Variants in LRP1B observed in about 807,000 individuals in gnomAD.
LRP1B encodes low-density lipoprotein receptor-related protein 1B.
Under a neutral mutation model 556.6 loss-of-function variants are expected in LRP1B, and 217 were observed. The ratio of observed to expected loss-of-function variants is 0.39; its 90% confidence interval spans 0.35 to 0.44. The LOEUF is 0.44. Ranked by LOEUF, LRP1B falls within the 20% of genes least tolerant of loss-of-function variation. The pLI is 1.00. For missense variants in LRP1B, 5,053 were observed against 5,620.8 expected, an observed-to-expected ratio of 0.90 and a Z score of 3.23; for synonymous variants, 2,047 against 1,865.8, an observed-to-expected ratio of 1.10 and a Z score of -2.50.
chr2:142,120,252 CA>C (rs1707413265), intron 1 of LRP1B, among the ~76,000 whole-genome samples: 1 of 152,272 alleles, frequency 6.6e-6, no homozygotes, highest in South Asian at 2.1e-4. Context: ...GCTGGGACTA[CA>C]GGCACATGCA....
chr2:140,512,832 C>T (rs1340109560), intron 51 of LRP1B, among the ~76,000 whole-genome samples: 2 of 152,036 alleles, frequency 1.3e-5, no homozygotes, highest in Non-Finnish European at 2.9e-5. Context: ...ACAAGTGAGA[C>T]GAATTATTTA....
chr2:141,185,937 G>C (rs543332847), intron 7 of LRP1B, among the ~76,000 whole-genome samples: 1 of 151,710 alleles, frequency 6.6e-6, no homozygotes, highest in East Asian at 2.0e-4. Context: ...AAATTAGCCA[G>C]GCTTGGTGGT....
chr2:140,884,495 T>C (rs1004273459), intron 24 of LRP1B, among the ~76,000 whole-genome samples: 3 of 152,140 alleles, frequency 2.0e-5, no homozygotes, highest in Non-Finnish European at 4.4e-5. Context: ...TTTTTCTCTT[T>C]TTAGAAGGAT....
intron 27 of LRP1B, among the ~76,000 whole-genome samples, chr2:140,856,021 T>G (rs1692607533): frequency 6.6e-6 from 1 of 152,214 alleles, no homozygotes. Flanking sequence ...ATTCATTTCC[T>G]CACCTTTGAA....
chr2:140,605,860 A>G (rs184486306), intron 41 of LRP1B, among the ~76,000 whole-genome samples: 3 of 152,260 alleles, frequency 2.0e-5, no homozygotes. Flanking sequence ...CCTCAACTTG[A>G]TAAAAGGAAT....
intron 3 of LRP1B, among the ~76,000 whole-genome samples, chr2:141,292,511 G>A (rs547839346): frequency 1.3e-5 from 2 of 152,214 alleles, no homozygotes; most frequent in South Asian, 4.1e-4. Flanking sequence ...GGAAAAGAAA[G>A]GAACTTTACA....
At chr2:141,094,807 G>T (rs541317386) in intron 7 of LRP1B, among the ~76,000 whole-genome samples, 1 of 152,150 alleles carries the variant, frequency 6.6e-6, no homozygotes, top group African/African-American at 2.4e-5. Flanking sequence ...AGAAGCATTC[G>T]CTAAGGATAA....
intron 3 of LRP1B, among the ~76,000 whole-genome samples, chr2:141,470,124 T>C (rs1230228158): frequency 1.3e-5 from 2 of 152,212 alleles, no homozygotes; most frequent in African/African-American, 4.8e-5. Context: ...GAATACATTA[T>C]TCAAAATTTA....
chr2:141,168,044 G>T (rs1260921793), intron 7 of LRP1B, among the ~76,000 whole-genome samples: 2 of 152,006 alleles, frequency 1.3e-5, no homozygotes, highest in South Asian at 4.1e-4. Flanking sequence ...ATAGTTTTCA[G>T]ACAACAAACA....
chr2:141,311,946 C>T (rs1686827218), intron 3 of LRP1B, among the ~76,000 whole-genome samples: 2 of 152,018 alleles, frequency 1.3e-5, no homozygotes, highest in Admixed American at 1.3e-4. Flanking sequence ...TGGGCAGAGG[C>T]TGGAAAAGTT....
intron 35 of LRP1B, among the ~76,000 whole-genome samples, chr2:140,724,615 A>G (rs1454595729): frequency 6.6e-6 from 1 of 152,186 alleles, no homozygotes; most frequent in Non-Finnish European, 1.5e-5. Context: ...TAGCTATTAT[A>G]TGTGACTATT....
intron 84 of LRP1B, among the ~76,000 whole-genome samples, chr2:140,296,563 G>A (rs1330560472): frequency 3.9e-5 from 6 of 152,076 alleles, no homozygotes; most frequent in South Asian, 2.1e-4. Context: ...AAAAAAACAC[G>A]CAATTGGGTG....
chr2:141,682,431 ACAGT>A (rs1451435932), intron 2 of LRP1B, among the ~76,000 whole-genome samples: 13 of 152,086 alleles, frequency 8.5e-5, no homozygotes, highest in Non-Finnish European at 1.3e-4. Context: ...AATTGGCCTG[ACAGT>A]CAGGAATTAA....
intron 2 of LRP1B, among the ~76,000 whole-genome samples, chr2:141,679,491 C>T (rs1356877802): frequency 6.6e-6 from 1 of 151,980 alleles, no homozygotes; most frequent in Non-Finnish European, 1.5e-5. Flanking sequence ...AAAACATATC[C>T]ATGTTCTGAT....
intron 83 of LRP1B, among the ~76,000 whole-genome samples, chr2:140,305,731 G>A (rs1069713): frequency 0.098 from 14,840 of 151,862 alleles, 1,314 homozygotes; most frequent in African/African-American, 0.23. Flanking sequence ...GTCTTGTGCC[G>A]GTTTTCAAAG....
intron 53 of LRP1B, among the ~76,000 whole-genome samples, chr2:140,504,777 C>T (rs1689336527): frequency 6.6e-6 from 1 of 152,150 alleles, no homozygotes; most frequent in Non-Finnish European, 1.5e-5. Flanking sequence ...TCTGTACCTT[C>T]CACTCCACCA....
chr2:140,953,336 G>A (rs886092104), intron 18 of LRP1B, among the ~76,000 whole-genome samples: 6 of 152,100 alleles, frequency 3.9e-5, no homozygotes, highest in Admixed American at 2.0e-4. Flanking sequence ...TGATCCACAT[G>A]CCTCAGTCTC....
At chr2:141,386,573 A>G (rs896601023) in intron 3 of LRP1B, among the ~76,000 whole-genome samples, 1 of 152,136 alleles carries the variant, frequency 6.6e-6, no homozygotes, top group African/African-American at 2.4e-5. Flanking sequence ...AGATAGTTAC[A>G]TTAACATCAA....
chr2:141,714,863 C>T (rs1692517282), intron 2 of LRP1B, among the ~76,000 whole-genome samples: 1 of 152,060 alleles, frequency 6.6e-6, no homozygotes, highest in South Asian at 2.1e-4. Context: ...TTCAGATGTA[C>T]ATGGAGAGGG....
Sources: gnomAD v4.1 joint callset for allele counts (sites outside exome capture counted in the v4.1 genomes callset) on GRCh38, gnomAD v4.1.1 for gene constraint, MANE v1.5 for transcripts, NCBI Gene and HGNC (gene_info 2026-07-23, HGNC 2026-07-21) for gene names.